TEAD1: variants seen among roughly 807,000 people sequenced by gnomAD.
TEAD1 encodes TEA domain transcription factor 1.
In TEAD1, 9 loss-of-function variants were observed where a neutral mutation model predicts 54.9. The observed-to-expected ratio is 0.16, with a 90% CI of 0.10 to 0.29. The LOEUF (loss-of-function observed/expected upper bound fraction) is 0.29, where lower values mean the gene tolerates loss of function less well. Among genes scored for constraint, TEAD1 ranks in the 10% least tolerant of loss-of-function variants. TEAD1 has a pLI of 1.00. For synonymous variants in TEAD1, 200 were observed against 187.8 expected (o/e 1.07, Z -0.53); for missense variants, 387 against 535.9 (o/e 0.72, Z 2.74).
At chr11:12,840,975 A>G (rs985448547) in intron 3 of TEAD1, among the ~76,000 whole-genome samples, 11 of 152,200 alleles carry the variant, frequency 7.2e-5, no homozygotes, top group Non-Finnish European at 1.6e-4. Context: ...ACTTTTTCTC[A>G]TCTCAAGTTA....
intron 2 of TEAD1, among the ~76,000 whole-genome samples, chr11:12,711,749 G>T (rs1251700354): frequency 2.0e-5 from 3 of 152,216 alleles, no homozygotes; most frequent in Admixed American, 6.5e-5. Context: ...CGTGGAAGGT[G>T]ACTGATGTAA....
At chr11:12,888,748 T>C (rs118022920) in intron 9 of TEAD1, among the ~76,000 whole-genome samples, 1 of 152,198 alleles carries the variant, frequency 6.6e-6, no homozygotes, top group African/African-American at 2.4e-5. Flanking sequence ...TGCATTATCT[T>C]ATGTAATCCT....
At chr11:12,895,069 C>T (rs1948283924) in intron 9 of TEAD1, among the ~76,000 whole-genome samples, 1 of 152,110 alleles carries the variant, frequency 6.6e-6, no homozygotes, top group African/African-American at 2.4e-5. Context: ...AACCCAGATC[C>T]CATCTGACAC....
intron 3 of TEAD1, among the ~76,000 whole-genome samples, chr11:12,837,679 T>C (rs140740508): frequency 1.9e-4 from 28 of 147,954 alleles, no homozygotes; most frequent in East Asian, 6.0e-4. Context: ...CCTTCTTCCT[T>C]CTTTCTCCCT....
chr11:12,878,625 G>C (rs559000535), intron 5 of TEAD1, among the ~76,000 whole-genome samples: 1 of 109,652 alleles, frequency 9.1e-6, no homozygotes, highest in South Asian at 4.1e-4. Flanking sequence ...CAAAGGAGTT[G>C]AGGGGTAGTT....
At chr11:12,675,121 C>T (rs1192024351) in intron 1 of TEAD1, among the ~76,000 whole-genome samples, 2 of 147,946 alleles carry the variant, frequency 1.4e-5, no homozygotes, top group African/African-American at 4.9e-5. Context: ...CGCCGCGCCC[C>T]CCGCGCGCCC....
At chr11:12,735,595 T>A (rs1944514998) in intron 2 of TEAD1, among the ~76,000 whole-genome samples, 1 of 150,454 alleles carries the variant, frequency 6.6e-6, no homozygotes, top group Admixed American at 6.6e-5. Context: ...GCTTACTGTG[T>A]GCTATGCACT....
At chr11:12,856,596 G>A (rs76851052) in intron 3 of TEAD1, among the ~76,000 whole-genome samples, 5,213 of 152,262 alleles carry the variant, frequency 0.034, 328 homozygotes, top group African/African-American at 0.12. Flanking sequence ...TGGGCTGAGC[G>A]GGGTGGGGGG....
At chr11:12,871,987 G>C (rs1947755587) in intron 5 of TEAD1, among the ~76,000 whole-genome samples, 1 of 152,118 alleles carries the variant, frequency 6.6e-6, no homozygotes, top group African/African-American at 2.4e-5. Context: ...AGCTACATGT[G>C]CTCCCCCGGG....
intron 4 of TEAD1, among the ~76,000 whole-genome samples, chr11:12,863,834 C>T (rs2134069631): frequency 6.6e-6 from 1 of 152,202 alleles, no homozygotes; most frequent in Non-Finnish European, 1.5e-5. Context: ...GTTTCAGAAG[C>T]TGGGCTCGGC....
intron 2 of TEAD1, among the ~76,000 whole-genome samples, chr11:12,746,757 G>C (rs1473920857): frequency 6.6e-6 from 1 of 152,204 alleles, no homozygotes; most frequent in African/African-American, 2.4e-5. Flanking sequence ...CCTGACACTG[G>C]GCCCAGCGCA....
chr11:12,762,918 G>A (rs1244755240), intron 2 of TEAD1, among the ~76,000 whole-genome samples: 1 of 152,144 alleles, frequency 6.6e-6, no homozygotes, highest in East Asian at 1.9e-4. Context: ...CTGGGTGTCC[G>A]TGTTGTAATA....
rs1457940773 is a variant in TEAD1, at chr11:12,938,965, C to A, written c.*1743C>A. ...CTACCACATCCAATTAACTTACACA[C>A]CCCCTTCCCTGTCTCAACACCTGCT... On this transcript the variant is annotated 3_prime_UTR_variant, in exon 13 of 13. Transcript: ENST00000527636. 6.6e-6 allele frequency: 1 copy of A among 152,240 alleles called. No homozygotes were observed. Among genetic ancestry groups the A allele is most frequent in the Admixed American group, 6.5e-5 (1 of 15,282 alleles). The allele number at this position is 152,240 out of a possible 1,614,324, so 9.4% of individuals were successfully genotyped here.
intron 2 of TEAD1, among the ~76,000 whole-genome samples, chr11:12,728,245 T>C (rs1457517026): frequency 1.3e-5 from 2 of 152,232 alleles, no homozygotes; most frequent in East Asian, 3.8e-4. Flanking sequence ...GAGTGCACTC[T>C]GTTGTGATTC....
chr11:12,853,950 T>A (rs536587841), intron 3 of TEAD1, among the ~76,000 whole-genome samples: 44 of 152,332 alleles, frequency 2.9e-4, no homozygotes, highest in African/African-American at 8.7e-4. Context: ...CTGTTTTTTT[T>A]AATAAGCCCC....
intron 3 of TEAD1, chr11:12,851,137 A>G: frequency 2.1e-6 from 2 of 954,498 alleles, no homozygotes; most frequent in Non-Finnish European, 2.5e-6. Flanking sequence ...ACACGGAAAG[A>G]AAAAAACTAT....
intron 3 of TEAD1, among the ~76,000 whole-genome samples, chr11:12,850,098 A>G (rs989814468): frequency 6.6e-6 from 1 of 152,194 alleles, no homozygotes; most frequent in Non-Finnish European, 1.5e-5. Context: ...TATCAGTTCA[A>G]GCAACGAAGA....
intron 2 of TEAD1, among the ~76,000 whole-genome samples, chr11:12,680,752 A>G (rs1943202726): frequency 6.6e-6 from 1 of 152,220 alleles, no homozygotes; most frequent in Non-Finnish European, 1.5e-5. Flanking sequence ...CTAATGGCAC[A>G]AAATAAAATG....
chr11:12,814,856 G>GCTGTGTGTGTGTGT (rs1171248111), intron 3 of TEAD1, among the ~76,000 whole-genome samples: 1 of 144,360 alleles, frequency 6.9e-6, no homozygotes, highest in Non-Finnish European at 1.5e-5. Context: ...TCCGTCCCGA[G>GCTGTGTGTGTGTGT]CTGTGTGTGT....
Sources: allele counts gnomAD v4.1 joint callset (sites outside exome capture counted in the v4.1 genomes callset), GRCh38; gene constraint gnomAD v4.1.1; transcripts MANE v1.5; gene names NCBI Gene and HGNC (gene_info 2026-07-23, HGNC 2026-07-21).